Variants in C12orf56 observed in about 807,000 individuals in gnomAD.
C12orf56 encodes uncharacterized protein C12orf56.
Under a neutral mutation model 69.9 loss-of-function variants are expected in C12orf56, and 71 were observed. That is an observed-to-expected ratio of 1.02 (90% confidence interval 0.84 to 1.24). C12orf56 has a LOEUF of 1.24. Ranked by LOEUF, C12orf56 falls within the 50% of genes most tolerant of loss-of-function variation. The probability of loss-of-function intolerance (pLI) is 0.00; values close to 1 mark genes in which losing one functional copy is unlikely to be tolerated. For synonymous variants in C12orf56, 276 were observed against 274.1 expected (o/e 1.01, Z -0.07); for missense variants, 732 against 738.5 (o/e 0.99, Z 0.10).
intron 1 of C12orf56, among the ~76,000 whole-genome samples, chr12:64,377,394 G>A (rs540691920): frequency 6.6e-6 from 1 of 151,836 alleles, no homozygotes; most frequent in East Asian, 1.9e-4. Context: ...TCATCATATT[G>A]GCCAGGCTGG....
intron 4 of C12orf56, among the ~76,000 whole-genome samples, chr12:64,316,229 G>A (rs375604105): frequency 9.2e-5 from 14 of 151,728 alleles, no homozygotes; most frequent in African/African-American, 9.7e-5. Context: ...TCAGCCTCCC[G>A]AGTACATGCA....
chr12:64,329,169 T>G (rs555238205), intron 3 of C12orf56, among the ~76,000 whole-genome samples: 24 of 152,256 alleles, frequency 1.6e-4, no homozygotes, highest in African/African-American at 5.8e-4. Context: ...ATACACCAGA[T>G]AAGCCCACTA....
At chr12:64,305,428 C>T (rs1366082284) in intron 5 of C12orf56, among the ~76,000 whole-genome samples, 1 of 152,148 alleles carries the variant, frequency 6.6e-6, no homozygotes, top group East Asian at 1.9e-4. Context: ...GTCACCCAGG[C>T]TGGAGTGCAG....
intron 4 of C12orf56, among the ~76,000 whole-genome samples, chr12:64,314,056 A>C (rs1230925937): frequency 6.6e-6 from 1 of 151,656 alleles, no homozygotes; most frequent in Non-Finnish European, 1.5e-5. Context: ...AAAAAAAAAA[A>C]AAAAAAAAAA....
intron 6 of C12orf56, among the ~76,000 whole-genome samples, chr12:64,296,756 C>T (rs1304929655): frequency 1.3e-5 from 2 of 152,186 alleles, no homozygotes; most frequent in East Asian, 1.9e-4. Context: ...TGTTGAGAGG[C>T]GAGACCTTTA....
chr12:64,301,341 C>T (rs575896669), intron 6 of C12orf56, among the ~76,000 whole-genome samples: 1 of 152,218 alleles, frequency 6.6e-6, no homozygotes, highest in Admixed American at 6.5e-5. Context: ...GAATTCTTAA[C>T]AGGACCTGTT....
chr12:64,337,056 T>A (rs904100179), intron 2 of C12orf56, among the ~76,000 whole-genome samples: 3 of 152,198 alleles, frequency 2.0e-5, no homozygotes, highest in Admixed American at 6.5e-5. Context: ...AACCTGGGCT[T>A]AGTGAAATGC....
chr12:64,357,190 C>T (rs1192753693), intron 1 of C12orf56, among the ~76,000 whole-genome samples: 3 of 151,286 alleles, frequency 2.0e-5, no homozygotes, highest in African/African-American at 7.3e-5. Context: ...ACTACTGTTT[C>T]ACGGGAAGAA....
intron 12 of C12orf56, among the ~76,000 whole-genome samples, chr12:64,268,727 A>T (rs79786551): frequency 0.019 from 2,830 of 152,174 alleles, 87 homozygotes; most frequent in African/African-American, 0.064. Flanking sequence ...TAATATATAT[A>T]TTTTTTTAAG....
intron 1 of C12orf56, among the ~76,000 whole-genome samples, chr12:64,380,123 A>AAAAAC (rs1565783087): frequency 2.6e-4 from 24 of 92,488 alleles, no homozygotes; most frequent in African/African-American, 8.4e-4. Context: ...AAAAAAAAAA[A>AAAAAC]AAAAAAAAAA....
chr12:64,325,188 G>T (rs17223151), intron 3 of C12orf56, among the ~76,000 whole-genome samples: 41,145 of 151,838 alleles, frequency 0.27, 5,946 homozygotes, highest in East Asian at 0.5. Context: ...TCCTCACATT[G>T]CCCAGTCAGC....
chr12:64,294,048 AAGAT>A (rs1199171740), intron 6 of C12orf56, among the ~76,000 whole-genome samples: 4 of 152,236 alleles, frequency 2.6e-5, no homozygotes, highest in Non-Finnish European at 2.9e-5. Flanking sequence ...TTCTTCAAAG[AAGAT>A]AGATGAATGG....
At chr12:64,274,814 G>T in intron 11 of C12orf56, 87 bp downstream of exon 11, 2 of 1,037,934 alleles carry the variant, frequency 1.9e-6, no homozygotes, top group South Asian at 3.8e-5. Context: ...TACATCACAG[G>T]GAAAATCTGT....
intron 1 of C12orf56, among the ~76,000 whole-genome samples, chr12:64,374,707 CTAATTTT>C (rs1272015223): frequency 6.6e-6 from 1 of 151,814 alleles, no homozygotes; most frequent in African/African-American, 2.4e-5. Context: ...CCATGCCCGG[CTAATTTT>C]TAAATTTTTA....
rs1220813555 is a variant in C12orf56 at position 64,390,536 on chromosome 12, G to C, written c.30C>G (p.Pro10=). MASPLPSGF[P]ARRNSRLDVF... is the part of the protein sequence containing the mutation. ...CATCCAGGCGGCTGTTCCTGCGCGCGGGGAAGCCGGACGGCAAGGGGCTGG... is the reference window on the plus strand; with the variant it reads ...CATCCAGGCGGCTGTTCCTGCGCGCCGGGAAGCCGGACGGCAAGGGGCTGG... The change falls in exon 1 of 13, where the codon CCC becomes CCG. Residue 10 remains proline, a synonymous_variant. Transcript: ENST00000543942. 3 of 1,595,546 alleles carry C rather than the reference G, an allele frequency of 1.9e-6. No individual in the cohort carries two copies. Among genetic ancestry groups the C allele is most frequent in the Admixed American group, 1.7e-5 (1 of 59,758 alleles).
At chr12:64,349,138 A>C (rs2039187683) in intron 2 of C12orf56, among the ~76,000 whole-genome samples, 1 of 152,214 alleles carries the variant, frequency 6.6e-6, no homozygotes, top group Non-Finnish European at 1.5e-5. Flanking sequence ...CAAAGGACTA[A>C]TATCCAGAAT....
intron 3 of C12orf56, among the ~76,000 whole-genome samples, chr12:64,319,891 CTA>C (rs1185005835): frequency 6.6e-6 from 1 of 152,210 alleles, no homozygotes; most frequent in Admixed American, 6.5e-5. Flanking sequence ...TGTTTTCACT[CTA>C]TTAAATCTTG....
intron 1 of C12orf56, among the ~76,000 whole-genome samples, chr12:64,366,411 A>C (rs2039487947): frequency 1.3e-5 from 1 of 78,448 alleles, no homozygotes; most frequent in African/African-American, 5.0e-5. Context: ...TATATATAAC[A>C]TACAGTTTAT....
At chr12:64,308,909 A>AAAGG in intron 5 of C12orf56, among the ~76,000 whole-genome samples, 1 of 68,450 alleles carries the variant, frequency 1.5e-5, no homozygotes, top group Non-Finnish European at 2.9e-5. Flanking sequence ...AGAAAGAAAG[A>AAAGG]AAGAAAGAAA....
Sources: gnomAD v4.1 joint callset for allele counts (sites outside exome capture counted in the v4.1 genomes callset) on GRCh38, gnomAD v4.1.1 for gene constraint, MANE v1.5 for transcripts, NCBI Gene and HGNC (gene_info 2026-07-23, HGNC 2026-07-21) for gene names.